JAKMIP3: variants seen among roughly 807,000 people sequenced by gnomAD.
JAKMIP3 encodes the protein janus kinase and microtubule-interacting protein 3.
In JAKMIP3, 58 loss-of-function variants were observed where a neutral mutation model predicts 118.5. The observed-to-expected ratio is 0.49, with a 90% CI of 0.40 to 0.61. JAKMIP3 has a LOEUF of 0.61. Ranked by LOEUF, JAKMIP3 falls within the 20% of genes least tolerant of loss-of-function variation. The pLI is 0.00. For synonymous variants in JAKMIP3, 486 were observed against 451.2 expected (o/e 1.08, Z -0.98); for missense variants, 950 against 1,109.0 (o/e 0.86, Z 2.04).
intron 1 of JAKMIP3, among the ~76,000 whole-genome samples, chr10:132,088,057 A>G (rs955347592): frequency 4.6e-5 from 7 of 152,082 alleles, no homozygotes; most frequent in Admixed American, 1.3e-4. Flanking sequence ...TTATGGCTGC[A>G]TAGTATTCCA....
chr10:132,180,457 A>G (rs1469161862), intron 23 of JAKMIP3, among the ~76,000 whole-genome samples: 5 of 120,238 alleles, frequency 4.2e-5, no homozygotes, highest in Non-Finnish European at 5.6e-5. Context: ...CACGTTCCCT[A>G]GAAGAGACGG....
intron 16 of JAKMIP3, among the ~76,000 whole-genome samples, chr10:132,152,166 A>G (rs376826300): frequency 6.6e-5 from 10 of 152,248 alleles, no homozygotes; most frequent in African/African-American, 2.2e-4. Context: ...GGCCCCCACC[A>G]TGGACTACAG....
At position 132,129,875 on chromosome 10, in the gene JAKMIP3, C is replaced by CTT. The variant is rs5789115; in HGVS notation, c.634-3421_634-3420dup. On this transcript the variant is annotated intron_variant, in intron 3 of 23. Transcript: ENST00000684848. ...ACCAGAAGTTTCTGGGCATCAGTACCTTTTTTTTTTTTTTTTTCCTTCAGA... is the reference window on the plus strand; with the variant it reads ...ACCAGAAGTTTCTGGGCATCAGTACCTTTTTTTTTTTTTTTTTTTCCTTCAGA... 2.2e-3 allele frequency among the ~76,000 whole-genome samples: 303 copies of CTT among 138,802 alleles called. 2 individuals are homozygous for CTT. The highest frequency in any genetic ancestry group is 2.6e-3 in the Non-Finnish European group (168 of 64,794). 91.1% of individuals were successfully genotyped at this position (138,802 alleles called of 152,430 possible).
intron 1 of JAKMIP3, among the ~76,000 whole-genome samples, chr10:132,052,959 G>T (rs1449006173): frequency 6.6e-6 from 1 of 152,200 alleles, no homozygotes. Context: ...CAATTCTAAT[G>T]TTCAAAAAGT....
chr10:132,173,355 A>C (rs2059813424), intron 23 of JAKMIP3, among the ~76,000 whole-genome samples: 1 of 150,452 alleles, frequency 6.6e-6, no homozygotes, highest in African/African-American at 2.5e-5. Flanking sequence ...GGTAGCAGAT[A>C]CTTGGCGCTT....
intron 13 of JAKMIP3, among the ~76,000 whole-genome samples, chr10:132,146,749 T>C (rs577915143): frequency 1.1e-3 from 160 of 152,314 alleles, no homozygotes; most frequent in African/African-American, 3.6e-3. Context: ...CTGGGGGTCC[T>C]GCTTTAGGCT....
intron 21 of JAKMIP3, among the ~76,000 whole-genome samples, chr10:132,165,144 C>T (rs956123736): frequency 2.0e-5 from 3 of 152,214 alleles, no homozygotes; most frequent in Admixed American, 6.5e-5. Context: ...GAATCCAGTT[C>T]CCGGATCAGA....
chr10:132,134,823 G>A (rs113910937), intron 4 of JAKMIP3, among the ~76,000 whole-genome samples: 159 of 152,330 alleles, frequency 1.0e-3, no homozygotes, highest in African/African-American at 3.6e-3. Context: ...GTAGGGTCTC[G>A]CTCTGCCCGT....
rs757248875 is a variant in JAKMIP3, at chr10:132,104,968, C to CTT, written c.135+26_135+27dup. On this transcript the variant is annotated intron_variant, in intron 2 of 23. Coordinates refer to ENST00000684848, the MANE Select transcript of JAKMIP3 (RefSeq NM_001323087.2). The stretch of plus-strand genomic sequence containing the variant: ...GGTGGGCGCTCCCCAGACCTCCACC[C>CTT]TTGAATGTCCCTCCCTCCTGCCTCC... 9 of 1,570,646 alleles carry CTT rather than the reference C, an allele frequency of 5.7e-6. No homozygotes were observed. In the East Asian group the frequency reaches 1.9e-4, roughly 33 times the overall value.
intron 22 of JAKMIP3, among the ~76,000 whole-genome samples, 197 bp downstream of exon 22, chr10:132,167,252 C>CGGAGT (rs1323150327): frequency 6.6e-6 from 1 of 152,174 alleles, no homozygotes; most frequent in African/African-American, 2.4e-5. Context: ...GGTCAGGACC[C>CGGAGT]GGAGTCTTCC....
Position 132,152,910 on chromosome 10 carries a change from C to G in JAKMIP3, c.2008-48C>G, listed in dbSNP as rs199530421. On this transcript the variant is annotated intron_variant, in intron 16 of 23. Transcript: ENST00000684848. ...ATGCATCCATCACTCACCCTCACCC[C>G]CAAAGGCACTGCTTCTGACCGCACC... is the stretch of plus-strand genomic sequence containing the variant. 2.5e-5 allele frequency: 37 copies of G among 1,480,186 alleles called. No homozygotes were observed. In the East Asian group the frequency reaches 6.0e-4, roughly 24 times the overall value. 91.7% of individuals were successfully genotyped at this position (1,480,186 alleles called of 1,614,324 possible).
chr10:132,180,584 CGCGTGT>C (rs1315635591), intron 23 of JAKMIP3, among the ~76,000 whole-genome samples: 1 of 9,862 alleles, frequency 1.0e-4, no homozygotes, highest in Admixed American at 1.2e-3. Flanking sequence ...TGTGTGCGTG[CGCGTGT>C]GTGTGTGCGT....
Position 132,183,140 on chromosome 10 carries a change from G to T in JAKMIP3, c.*1887G>T, listed in dbSNP as rs913982420. 5 of 152,286 alleles carry T rather than the reference G, an allele frequency of 3.3e-5. No homozygotes were observed. The East Asian group carries it at 9.7e-4, about 29-fold the overall frequency. 9.4% of individuals were successfully genotyped at this position (152,286 alleles called of 1,614,324 possible). ...TGGCACATTTATTATACTCACAACTGAATGGCACACAATAGCCTTGTGTTA... is the reference window on the plus strand; with the variant it reads ...TGGCACATTTATTATACTCACAACTTAATGGCACACAATAGCCTTGTGTTA... On this transcript the variant is annotated 3_prime_UTR_variant, in exon 24 of 24. Transcript: ENST00000684848.
chr10:132,127,389 A>ATT (rs1177622259), intron 3 of JAKMIP3, among the ~76,000 whole-genome samples: 4 of 95,866 alleles, frequency 4.2e-5, no homozygotes, highest in Non-Finnish European at 5.9e-5. Context: ...TGCCTGGCTA[A>ATT]TTTTGTGTGT....
intron 9 of JAKMIP3, among the ~76,000 whole-genome samples, chr10:132,138,709 G>A (rs998019668): frequency 2.0e-5 from 3 of 152,164 alleles, no homozygotes; most frequent in Non-Finnish European, 2.9e-5. Context: ...AAGAGGTGCC[G>A]GCTCTGGTGT....
chr10:132,137,151 G>A lies in JAKMIP3; in HGVS notation c.1248+1G>A. The A allele has an allele frequency of 6.2e-7, 1 of 1,613,894 alleles. No individual in the cohort carries two copies. The highest frequency in any genetic ancestry group is 1.1e-5 in the South Asian group (1 of 91,078). On this transcript the variant is annotated splice_donor_variant, in intron 7 of 23. Transcript: ENST00000684848. LOFTEE classifies it high-confidence loss of function. ...AAACCTCATAGATGAACTGTCTAAG[G>A]TACCCGGCGGGCTGTTTGCTGCGGC...
At chr10:132,078,960 C>T (rs2041322138) in intron 1 of JAKMIP3, among the ~76,000 whole-genome samples, 1 of 152,204 alleles carries the variant, frequency 6.6e-6, no homozygotes. Context: ...GGCCGTCAGG[C>T]GCAGCGCAGG....
At chr10:132,167,253 G>A (rs556824098) in intron 22 of JAKMIP3, among the ~76,000 whole-genome samples, 198 bp downstream of exon 22, 38 of 152,294 alleles carry the variant, frequency 2.5e-4, no homozygotes, top group Middle Eastern at 3.4e-3. Context: ...GTCAGGACCC[G>A]GAGTCTTCCA....
At chr10:132,048,870 G>A (rs2038015082) in intron 1 of JAKMIP3, among the ~76,000 whole-genome samples, 1 of 152,056 alleles carries the variant, frequency 6.6e-6, no homozygotes, top group East Asian at 1.9e-4. Context: ...TCGATCTCCT[G>A]ACCTCGTGAT....
Sources: gnomAD v4.1 joint callset for allele counts (sites outside exome capture counted in the v4.1 genomes callset) on GRCh38, gnomAD v4.1.1 for gene constraint, MANE v1.5 for transcripts, NCBI Gene and HGNC (gene_info 2026-07-23, HGNC 2026-07-21) for gene names.